Variants in NSL1 observed in about 807,000 individuals in gnomAD.
NSL1 encodes NSL1 component of MIS12 kinetochore complex, also known as kinetochore-associated protein NSL1 homolog.
A neutral mutation model predicts 25.4 loss-of-function variants in NSL1; 11 were observed. The observed-to-expected ratio is 0.43, with a 90% CI of 0.27 to 0.72. The LOEUF (loss-of-function observed/expected upper bound fraction) is 0.72, where lower values mean the gene tolerates loss of function less well. Ranked by LOEUF, NSL1 falls within the 30% of genes least tolerant of loss-of-function variation. The pLI is 0.19. For missense variants in NSL1, 330 were observed against 342.7 expected, an observed-to-expected ratio of 0.96 and a Z score of 0.29; for synonymous variants, 118 against 120.6, an observed-to-expected ratio of 0.98 and a Z score of 0.14.
At position 212,738,938 on chromosome 1, in the gene NSL1, T is replaced by C. The variant is rs564890287; in HGVS notation, c.568-252A>G. 2.0e-5 allele frequency among the ~76,000 whole-genome samples: 3 copies of C among 152,252 alleles called. No individual in the cohort carries two copies. In the East Asian group the frequency reaches 5.8e-4, roughly 29 times the overall value. Reference sequence around the variant, plus strand: ...CCACCACACTTGGCTAATTTTTGTATTTTTAGTAGACGTGGACTTTCACCA... The same window carrying C: ...CCACCACACTTGGCTAATTTTTGTACTTTTAGTAGACGTGGACTTTCACCA... On this transcript the variant is annotated intron_variant, in intron 5 of 5. Transcript: ENST00000366977.
intron 4 of NSL1, among the ~76,000 whole-genome samples, chr1:212,745,252 A>G (rs757237766): frequency 7.9e-5 from 12 of 151,472 alleles, no homozygotes; most frequent in Middle Eastern, 3.4e-3. Context: ...GAGAAGAGAC[A>G]GGGGCAGAAA....
Position 212,766,262 on chromosome 1 carries a change from T to C in NSL1, c.499+16110A>G, listed in dbSNP as rs559833110. The C allele has an allele frequency of 4.7e-5, 30 of 637,722 alleles. 1 individual carries two copies. In the Admixed American group the frequency reaches 5.6e-4, roughly 12 times the overall value. 39.5% of individuals were successfully genotyped at this position (637,722 alleles called of 1,614,324 possible). On this transcript the variant is annotated intron_variant, in intron 4 of 5. Transcript: ENST00000366977. ...TTGAATGGGGAAAAGTTGAAAGCAT[T>C]CCCGTTGAGAACTGGAACAAGACAA...
intron 4 of NSL1, among the ~76,000 whole-genome samples, chr1:212,740,831 CTTCT>C (rs1658470564): frequency 6.6e-6 from 1 of 152,088 alleles, no homozygotes; most frequent in South Asian, 2.1e-4. Flanking sequence ...AATATATGTG[CTTCT>C]TTATTGATGA....
intron 1 of NSL1, among the ~76,000 whole-genome samples, chr1:212,790,899 G>A (rs533155431): frequency 2.0e-4 from 30 of 151,760 alleles, no homozygotes; most frequent in African/African-American, 7.0e-4. Context: ...CTCCAGCCTG[G>A]GCGACAGAGC....
chr1:212,731,197 A>C lies in NSL1; in HGVS notation c.*7211T>G. The C allele has an allele frequency of 1.0e-6, 1 of 984,988 alleles. No individual in the cohort carries two copies. The highest frequency in any genetic ancestry group is 1.7e-5 in the African/African-American group (1 of 57,284). The allele number at this position is 984,988 out of a possible 1,614,324, so 61.0% of individuals were successfully genotyped here. A position where few individuals can be genotyped will look rare whatever the true frequency, so the allele number is the denominator to read the frequency against. ...ATGGTCAGAGGGGAGAAAAAAAAAAAAACCTGAAGAAACCAAAACTAGAAT... is the reference window on the plus strand; with the variant it reads ...ATGGTCAGAGGGGAGAAAAAAAAAACAACCTGAAGAAACCAAAACTAGAAT... On this transcript the variant is annotated 3_prime_UTR_variant, in exon 6 of 6. Coordinates refer to ENST00000366977, the MANE Select transcript of NSL1 (RefSeq NM_015471.4).
intron 4 of NSL1, among the ~76,000 whole-genome samples, chr1:212,770,036 G>C (rs1660029292): frequency 6.6e-6 from 1 of 152,078 alleles, no homozygotes; most frequent in African/African-American, 2.4e-5. Context: ...CCAAAAGTGA[G>C]GGGGAGTAGC....
At chr1:212,761,869 A>C (rs1659582212) in intron 4 of NSL1, among the ~76,000 whole-genome samples, 1 of 151,912 alleles carries the variant, frequency 6.6e-6, no homozygotes, top group African/African-American at 2.4e-5. Flanking sequence ...TCAGAAACAG[A>C]CTAGATCGGG....
intron 4 of NSL1, among the ~76,000 whole-genome samples, chr1:212,766,924 C>T (rs1284600726): frequency 6.6e-6 from 1 of 152,136 alleles, no homozygotes; most frequent in African/African-American, 2.4e-5. Flanking sequence ...CAAAACACTG[C>T]TGAAAGAAAT....
At chr1:212,762,752 T>C (rs555133532) in intron 4 of NSL1, among the ~76,000 whole-genome samples, 66 of 152,232 alleles carry the variant, frequency 4.3e-4, no homozygotes, top group Middle Eastern at 3.4e-3. Context: ...ATTTAGTCTA[T>C]GTGAAATACA....
At chr1:212,769,161 G>C (rs993032940) in intron 4 of NSL1, among the ~76,000 whole-genome samples, 3 of 152,060 alleles carry the variant, frequency 2.0e-5, no homozygotes, top group African/African-American at 7.2e-5. Flanking sequence ...GTGTTGTAGA[G>C]GGAGAAGGGA....
At chr1:212,747,611 G>C (rs181899971) in intron 4 of NSL1, among the ~76,000 whole-genome samples, 41 of 152,308 alleles carry the variant, frequency 2.7e-4, no homozygotes, top group Admixed American at 1.4e-3. Flanking sequence ...CTCAGAAACA[G>C]TAAGAGATAA....
At position 212,733,337 on chromosome 1, in the gene NSL1, TG is replaced by T. The variant is rs904840823; in HGVS notation, c.*5070del. Among the ~76,000 whole-genome samples, 4 of 148,776 alleles carry T rather than the reference TG, an allele frequency of 2.7e-5. No individual in the cohort carries two copies. The highest frequency in any genetic ancestry group is 5.9e-5 in the Non-Finnish European group (4 of 67,438). On this transcript the variant is annotated 3_prime_UTR_variant, in exon 6 of 6. Transcript: ENST00000366977. ...GTCCCACCTACTTGGGAGGCTAAGG[TG>T]GGAGGATGGCTTGAGTTGCGGGGGC...
Position 212,782,362 on chromosome 1 carries a change from A to G in NSL1, c.499+10T>C. ...TGCTTCATTTTTACCACAAATGGAT[A>G]CTGACTCACCTGGATCAGGGTCATA... On this transcript the variant is annotated intron_variant, in intron 4 of 5. Transcript: ENST00000366977. The G allele has an allele frequency of 6.3e-7, 1 of 1,597,582 alleles. No homozygotes were observed. The highest frequency in any genetic ancestry group is 8.6e-7 in the Non-Finnish European group (1 of 1,164,988).
In NSL1 at chr1:212,728,997, C is replaced by T. The variant is rs1389201031; in HGVS notation, c.*9411G>A. 1 of 985,138 alleles carries T rather than the reference C, an allele frequency of 1.0e-6. No individual in the cohort carries two copies. Among genetic ancestry groups the T allele is most frequent in the African/African-American group, 1.7e-5 (1 of 57,200 alleles). 61.0% of individuals were successfully genotyped at this position (985,138 alleles called of 1,614,324 possible). A position where few individuals can be genotyped will look rare whatever the true frequency, so the allele number is the denominator to read the frequency against. Reference sequence around the variant, plus strand: ...GGAGTAATTTTAGTAAGGAGGATTTCTAAAGAAGCAGTCATTTGTCAATCT... The same window carrying T: ...GGAGTAATTTTAGTAAGGAGGATTTTTAAAGAAGCAGTCATTTGTCAATCT... On this transcript the variant is annotated 3_prime_UTR_variant, in exon 6 of 6. Transcript: ENST00000366977.
chr1:212,763,352 G>T (rs1659659258), intron 4 of NSL1, among the ~76,000 whole-genome samples: 1 of 151,816 alleles, frequency 6.6e-6, no homozygotes, highest in Admixed American at 6.6e-5. Flanking sequence ...AAATCTCACA[G>T]GGCCTAAAAA....
intron 4 of NSL1, among the ~76,000 whole-genome samples, chr1:212,757,578 G>A (rs1659375848): frequency 6.6e-6 from 1 of 152,136 alleles, no homozygotes; most frequent in Non-Finnish European, 1.5e-5. Context: ...AGCCAAAGGA[G>A]GAACGGTACA....
intron 4 of NSL1, among the ~76,000 whole-genome samples, chr1:212,771,824 G>A (rs554859973): frequency 6.6e-6 from 1 of 152,140 alleles, no homozygotes; most frequent in East Asian, 1.9e-4. Flanking sequence ...ACCTCTATAA[G>A]GAAAACTACA....
intron 4 of NSL1, among the ~76,000 whole-genome samples, chr1:212,763,028 G>C (rs1227146119): frequency 6.6e-6 from 1 of 152,186 alleles, no homozygotes; most frequent in South Asian, 2.1e-4. Context: ...CGGCCTTATG[G>C]GCATATGGAG....
At chr1:212,745,619 A>G (rs1045581382) in intron 4 of NSL1, among the ~76,000 whole-genome samples, 1 of 152,202 alleles carries the variant, frequency 6.6e-6, no homozygotes, top group Non-Finnish European at 1.5e-5. Flanking sequence ...ACTATCTGCC[A>G]AAAATATCCT....
Sources: gnomAD v4.1 joint callset for allele counts (sites outside exome capture counted in the v4.1 genomes callset) on GRCh38, gnomAD v4.1.1 for gene constraint, MANE v1.5 for transcripts, NCBI Gene and HGNC (gene_info 2026-07-23, HGNC 2026-07-21) for gene names.